NCKAP5: variants seen among roughly 807,000 people sequenced by gnomAD.
NCKAP5 encodes the protein nck-associated protein 5.
In NCKAP5, 92 loss-of-function variants were observed where a neutral mutation model predicts 167.0. That is an observed-to-expected ratio of 0.55 (90% CI 0.47 to 0.66). The LOEUF is 0.66. Among genes scored for constraint, NCKAP5 ranks in the 30% least tolerant of loss-of-function variants. The pLI is 0.00. For synonymous variants in NCKAP5, 891 were observed against 877.4 expected, an observed-to-expected ratio of 1.02 and a Z score of -0.27; for missense variants, 2,378 against 2,315.0, an observed-to-expected ratio of 1.03 and a Z score of -0.56.
chr2:132,845,744 C>G (rs529431012), intron 11 of NCKAP5, among the ~76,000 whole-genome samples: 4 of 152,126 alleles, frequency 2.6e-5, no homozygotes, highest in Non-Finnish European at 5.9e-5. Context: ...TTATTTTCAA[C>G]GCTTACTTGG....
intron 5 of NCKAP5, among the ~76,000 whole-genome samples, chr2:133,206,182 TG>T (rs1298418062): frequency 6.6e-6 from 1 of 152,194 alleles, no homozygotes; most frequent in Non-Finnish European, 1.5e-5. Flanking sequence ...AGATTCTTAG[TG>T]GGGATATCCT....
At chr2:133,593,298 A>C in the NCKAP5 span, among the ~76,000 whole-genome samples, 561 of 152,290 alleles carry the variant, frequency 3.7e-3, 6 homozygotes, top group African/African-American at 0.013. Flanking sequence ...TTCACAAAAA[A>C]AAGGAAGAAG....
At chr2:132,997,006 GAA>G (rs951147938) in intron 6 of NCKAP5, among the ~76,000 whole-genome samples, 2 of 152,228 alleles carry the variant, frequency 1.3e-5, no homozygotes, top group African/African-American at 4.8e-5. Flanking sequence ...GACACTGGTT[GAA>G]GAGAACTGTG....
At chr2:133,445,636 T>C (rs924222795) in intron 3 of NCKAP5, among the ~76,000 whole-genome samples, 12 of 152,100 alleles carry the variant, frequency 7.9e-5, no homozygotes, top group Non-Finnish European at 1.0e-4. Context: ...CTACTTTTCA[T>C]TGGAGTGATT....
At position 132,858,472 on chromosome 2, in the gene NCKAP5, G is replaced by A. The variant is rs374916349; in HGVS notation, c.807+2020C>T. Among the ~76,000 whole-genome samples, 10 of 152,308 alleles carry A rather than the reference G, an allele frequency of 6.6e-5. No homozygotes were observed. In the South Asian group the frequency reaches 2.1e-3, roughly 32 times the overall value. On this transcript the variant is annotated intron_variant, in intron 11 of 19. Coordinates refer to ENST00000409261, the MANE Select transcript of NCKAP5 (RefSeq NM_207363.3). Reference sequence around the variant, plus strand: ...GGAATGATTGTATTTTAGCTCCACTGTATATATTTTGTTTCTCAAACCCTA... The same window carrying A: ...GGAATGATTGTATTTTAGCTCCACTATATATATTTTGTTTCTCAAACCCTA...
chr2:133,060,426 C>T (rs972096511), intron 6 of NCKAP5, among the ~76,000 whole-genome samples: 1 of 152,102 alleles, frequency 6.6e-6, no homozygotes, highest in African/African-American at 2.4e-5. Context: ...CAGATATCAA[C>T]AAGTATAAAC....
intron 8 of NCKAP5, among the ~76,000 whole-genome samples, chr2:132,885,527 A>G (rs994167822): frequency 3.9e-5 from 6 of 152,224 alleles, no homozygotes; most frequent in Non-Finnish European, 5.9e-5. Context: ...TGGTTTCCCC[A>G]TGGCTCCAAA....
intron 8 of NCKAP5, among the ~76,000 whole-genome samples, chr2:132,926,483 C>T (rs1405984246): frequency 2.6e-5 from 4 of 152,100 alleles, no homozygotes; most frequent in African/African-American, 9.7e-5. Context: ...ACCTACTTTC[C>T]CACAAATAGT....
chr2:132,732,909 G>A (rs1047027605), intron 16 of NCKAP5, among the ~76,000 whole-genome samples: 2 of 152,066 alleles, frequency 1.3e-5, no homozygotes, highest in Admixed American at 1.3e-4. Context: ...TTATCATGTG[G>A]ACTTCATTCG....
intron 5 of NCKAP5, among the ~76,000 whole-genome samples, chr2:133,130,692 G>A (rs978533610): frequency 2.0e-5 from 3 of 152,148 alleles, no homozygotes; most frequent in Non-Finnish European, 2.9e-5. Flanking sequence ...CTCATCTCAC[G>A]AACGGGTATC....
At chr2:133,453,630 A>G (rs1443840913) in intron 3 of NCKAP5, among the ~76,000 whole-genome samples, 1 of 152,136 alleles carries the variant, frequency 6.6e-6, no homozygotes, top group Non-Finnish European at 1.5e-5. Flanking sequence ...TATTTATGCA[A>G]ATTGTGTAAT....
At chr2:132,966,725 T>C (rs1182178728) in intron 7 of NCKAP5, among the ~76,000 whole-genome samples, 13 of 152,192 alleles carry the variant, frequency 8.5e-5, no homozygotes, top group Admixed American at 8.5e-4. Flanking sequence ...CACACTGACC[T>C]AACAGCCAAC....
intron 11 of NCKAP5, among the ~76,000 whole-genome samples, chr2:132,852,611 C>T (rs1035449875): frequency 1.3e-5 from 2 of 152,146 alleles, no homozygotes; most frequent in Middle Eastern, 3.4e-3. Flanking sequence ...CAAACAAGGC[C>T]GAATCAGGGT....
chr2:133,638,801 T>C, the NCKAP5 span, among the ~76,000 whole-genome samples: 58 of 149,994 alleles, frequency 3.9e-4, no homozygotes, highest in Non-Finnish European at 6.9e-4. Flanking sequence ...GAAGTTGCAC[T>C]GAGCTGAGAT....
chr2:133,146,465 C>G (rs1008262906), intron 5 of NCKAP5, among the ~76,000 whole-genome samples: 1 of 152,020 alleles, frequency 6.6e-6, no homozygotes, highest in South Asian at 2.1e-4. Flanking sequence ...TTTTAGACCC[C>G]AAATGCAAGG....
chr2:132,702,131 C>T (rs1002523082), intron 19 of NCKAP5, among the ~76,000 whole-genome samples: 5 of 152,142 alleles, frequency 3.3e-5, no homozygotes, highest in Admixed American at 6.5e-5. Flanking sequence ...TACATTTACT[C>T]CCATCCAGAT....
chr2:133,204,463 C>T (rs2085853585), intron 5 of NCKAP5, among the ~76,000 whole-genome samples: 1 of 152,192 alleles, frequency 6.6e-6, no homozygotes, highest in African/African-American at 2.4e-5. Context: ...CAAGTTCACA[C>T]ACACAGATCG....
the NCKAP5 span, among the ~76,000 whole-genome samples, chr2:133,590,230 C>T: frequency 6.6e-6 from 1 of 152,092 alleles, no homozygotes; most frequent in Non-Finnish European, 1.5e-5. Context: ...GTGGCTCACG[C>T]CTGTAATTCC....
At chr2:133,123,787 AT>A (rs2082319968) in intron 6 of NCKAP5, 1 of 470,988 alleles carries the variant, frequency 2.1e-6, no homozygotes, top group African/African-American at 2.0e-5. Flanking sequence ...ATCTTGTTAC[AT>A]TTTCCTCCTT....
Sources: allele counts gnomAD v4.1 joint callset (sites outside exome capture counted in the v4.1 genomes callset), GRCh38; gene constraint gnomAD v4.1.1; transcripts MANE v1.5; gene names NCBI Gene and HGNC (gene_info 2026-07-23, HGNC 2026-07-21).